TNS1: variants seen among roughly 807,000 people sequenced by gnomAD.
TNS1 encodes tensin 1, also known as tensin-1.
TNS1 carries 62 observed loss-of-function variants against 168.6 expected under a neutral mutation model. That is an observed-to-expected ratio of 0.37 (90% CI 0.30 to 0.45). The LOEUF is 0.45. Ranked by LOEUF, TNS1 falls within the 20% of genes least tolerant of loss-of-function variation. The probability of loss-of-function intolerance (pLI) is 1.00; values close to 1 mark genes in which losing one functional copy is unlikely to be tolerated. For synonymous variants in TNS1, 934 were observed against 933.2 expected, an observed-to-expected ratio of 1.00 and a Z score of -0.02; for missense variants, 2,240 against 2,339.4, an observed-to-expected ratio of 0.96 and a Z score of 0.88.
chr2:217,900,434 C>T (rs983766723), intron 7 of TNS1, 29 bp downstream of exon 7: 16 of 1,534,038 alleles, frequency 1.0e-5, no homozygotes, highest in South Asian at 2.4e-5. Flanking sequence ...CTTGCACTCC[C>T]GCCCCCTGCC....
chr2:217,804,465 C>G lies in TNS1; in HGVS notation c.5514G>C (p.Lys1838Asn), dbSNP rs1331888541. 1 of 1,614,088 alleles carries G rather than the reference C, an allele frequency of 6.2e-7. No individual in the cohort carries two copies. The highest frequency in any genetic ancestry group is 8.5e-7 in the Non-Finnish European group (1 of 1,179,970). ...VSKVMLNAGQ[K>N]R ...CCTGGGCAAGGGGCAGGGTTCATCT[C>G]TTTTGGCCGGCATTCAGCATGACCT... The change falls in exon 33 of 33, where the codon AAG (lysine) becomes AAC (asparagine). Residue 1838 changes from lysine (K) to asparagine (N), a missense_variant. Lys to Asn is a moderately conservative substitution (Grantham distance 94, BLOSUM62 0). Coordinates refer to ENST00000682258, the MANE Select transcript of TNS1 (RefSeq NM_001387777.1).
Position 217,893,528 on chromosome 2 carries a change from G to C in TNS1, c.628C>G (p.Pro210Ala). The C allele has an allele frequency of 6.2e-7, 1 of 1,613,248 alleles. No individual in the cohort carries two copies. Among genetic ancestry groups the C allele is most frequent in the African/African-American group, 1.3e-5 (1 of 75,064 alleles). ...ATGCTGCAGATCTTCTCCAGGGCTGGGGTGTGGAGGTCGGGCCAGCCAAAT... is the reference window on the plus strand; with the variant it reads ...ATGCTGCAGATCTTCTCCAGGGCTGCGGTGTGGAGGTCGGGCCAGCCAAAT... ...LEFGWPDLHTPALEKICSICK... is the reference protein window; with the variant it reads ...LEFGWPDLHTAALEKICSICK... The change falls in exon 10 of 33, where the codon CCA (proline) becomes GCA (alanine). Residue 210 changes from proline (P) to alanine (A), a missense_variant. By Grantham distance (27) the Pro-to-Ala change is conservative. This residue lies in a region of TNS1 where 2,131 missense variants were observed against 2,171.2 expected (regional missense o/e 0.98). Coordinates refer to ENST00000682258, the MANE Select transcript of TNS1 (RefSeq NM_001387777.1).
chr2:217,898,253 G>A (rs573546436), intron 7 of TNS1, among the ~76,000 whole-genome samples: 2 of 152,312 alleles, frequency 1.3e-5, no homozygotes, highest in South Asian at 4.1e-4. Flanking sequence ...TCAGTCCTTT[G>A]GCCACTGCCT....
At chr2:217,974,079 G>C (rs1459285919) in intron 3 of TNS1, among the ~76,000 whole-genome samples, 1 of 152,216 alleles carries the variant, frequency 6.6e-6, no homozygotes, top group Non-Finnish European at 1.5e-5. Context: ...TTCAAGAACA[G>C]GCAAAACTAA....
chr2:217,829,433 G>A lies in TNS1; in HGVS notation c.3373+2022C>T, dbSNP rs376702425. ...CCAAAACGTCAGTGGTGCCAACGTGGAGAATCTCTTCTCTGAGAAATGCCT... is the reference window on the plus strand; with the variant it reads ...CCAAAACGTCAGTGGTGCCAACGTGAAGAATCTCTTCTCTGAGAAATGCCT... On this transcript the variant is annotated intron_variant, in intron 22 of 32. Transcript: ENST00000682258. 2.2e-4 allele frequency among the ~76,000 whole-genome samples: 34 copies of A among 152,318 alleles called. No homozygotes were observed. In the East Asian group the frequency reaches 4.2e-3, roughly 19 times the overall value.
At position 218,033,817 on chromosome 2, in the gene TNS1, T is replaced by C. The variant is rs946163860; in HGVS notation, c.156+3A>G. Among the ~76,000 whole-genome samples, 13 of 152,128 alleles carry C rather than the reference T, an allele frequency of 8.5e-5. No individual in the cohort carries two copies. The highest frequency in any genetic ancestry group is 1.5e-5 in the Non-Finnish European group (1 of 68,004). On this transcript the variant is annotated splice_donor_region_variant and intron_variant, in intron 1 of 1. Transcript: ENST00000649572. This position sits in a 1 kb window ranked among gnomAD's most constrained non-coding sequence, Gnocchi z 4.3. ...GTCCCTCACCCATTCCCGCAGCCCCTACCTGAAGCGGTAGCTGCCTTCTCT... is the reference window on the plus strand; with the variant it reads ...GTCCCTCACCCATTCCCGCAGCCCCCACCTGAAGCGGTAGCTGCCTTCTCT...
chr2:217,831,466 T>C lies in TNS1; in HGVS notation c.3362A>G (p.His1121Arg). The C allele has an allele frequency of 6.3e-7, 1 of 1,585,740 alleles. No homozygotes were observed. The highest frequency in any genetic ancestry group is 8.6e-7 in the Non-Finnish European group (1 of 1,166,396). The change falls in exon 22 of 33, where the codon CAC becomes CGC. Residue 1121 changes from histidine to arginine, a missense_variant. Coordinates refer to ENST00000682258, the MANE Select transcript of TNS1 (RefSeq NM_001387777.1). Reference protein sequence around the residue: ...KPHNPADILLHPTGEPRSYVE... With the variant: ...KPHNPADILLRPTGEPRSYVE... ...TCTTCCCAACTCACCTCCTGTGGGG[T>C]GCAACAGGATGTCCGCTGGGTTGTG...
chr2:217,850,518 C>A (rs924701246), intron 18 of TNS1: 1 of 984,804 alleles, frequency 1.0e-6, no homozygotes, highest in Admixed American at 6.2e-5. Context: ...AGAACTTCCC[C>A]GCCCAGAGGA....
At chr2:217,925,006 A>T (rs898855225) in intron 3 of TNS1, among the ~76,000 whole-genome samples, 26 of 152,110 alleles carry the variant, frequency 1.7e-4, no homozygotes, top group Non-Finnish European at 4.4e-5. Context: ...GTGTTTGTAC[A>T]TTTCCCTTTT....
chr2:217,819,351 C>T (rs796686183), intron 23 of TNS1, among the ~76,000 whole-genome samples: 7 of 152,318 alleles, frequency 4.6e-5, no homozygotes, highest in African/African-American at 1.7e-4. Flanking sequence ...TGCTCTCCAG[C>T]CACTGGGGAT....
At chr2:217,937,088 C>T (rs1441986591) in intron 3 of TNS1, 1 of 450,810 alleles carries the variant, frequency 2.2e-6, no homozygotes, top group Non-Finnish European at 4.5e-6. Flanking sequence ...CAAATGGTAC[C>T]TCTTCTCCAA....
At chr2:217,931,785 G>A (rs924121482) in intron 3 of TNS1, among the ~76,000 whole-genome samples, 1 of 152,098 alleles carries the variant, frequency 6.6e-6, no homozygotes, top group African/African-American at 2.4e-5. Flanking sequence ...CGATCCTAAG[G>A]TGCATTCCAT....
chr2:217,865,773 C>T (rs1368544628), intron 18 of TNS1, among the ~76,000 whole-genome samples: 1 of 152,120 alleles, frequency 6.6e-6, no homozygotes, highest in African/African-American at 2.4e-5. Context: ...GGCAGGACAC[C>T]CCAGGTCCCT....
chr2:217,836,203 C>A lies in TNS1; in HGVS notation c.3016G>T (p.Ala1006Ser). ...GGCTCTGCAGGCTGCTTCTCCCGAG[C>A]CTGTACCCCTGGGAGGAAAGCAGGG... ...LVAHRVAGVQ[A>S]REKQPAEPPA... is the part of the protein sequence containing the mutation. The change falls in exon 20 of 33, where the codon GCT becomes TCT. Residue 1006 changes from alanine to serine, a missense_variant. Around this residue, in one of 2 missense-constraint regions of TNS1, gnomAD observed 2,131 missense variants for 2,171.2 expected, o/e 0.98. Coordinates refer to ENST00000682258, the MANE Select transcript of TNS1 (RefSeq NM_001387777.1). The A allele has an allele frequency of 6.2e-7, 1 of 1,608,774 alleles. No individual in the cohort carries two copies. The highest frequency in any genetic ancestry group is 8.5e-7 in the Non-Finnish European group (1 of 1,176,904).
intron 2 of TNS1, among the ~76,000 whole-genome samples, chr2:217,980,971 C>G (rs750497361): frequency 2.5e-4 from 38 of 152,204 alleles, no homozygotes; most frequent in Non-Finnish European, 4.3e-4. Context: ...ATTAGAGTAG[C>G]TTTCCAATTA....
chr2:217,948,933 C>G lies in TNS1; in HGVS notation c.187-28697G>C, dbSNP rs1957178998. Reference sequence around the variant, plus strand: ...GCTGGGCTTTCCACATTCCAGCTTCCTACTCAGATTTGTACCATAGTGTCA... The same window carrying G: ...GCTGGGCTTTCCACATTCCAGCTTCGTACTCAGATTTGTACCATAGTGTCA... On this transcript the variant is annotated intron_variant, in intron 3 of 32. Transcript: ENST00000682258. This position sits in a 1 kb window ranked among gnomAD's most constrained non-coding sequence, Gnocchi z 4.1. 6.6e-6 allele frequency among the ~76,000 whole-genome samples: 1 copy of G among 152,178 alleles called. No homozygotes were observed. The highest frequency in any genetic ancestry group is 1.5e-5 in the Non-Finnish European group (1 of 68,020).
chr2:217,902,247 C>G (rs915256534), intron 6 of TNS1, among the ~76,000 whole-genome samples: 1 of 152,168 alleles, frequency 6.6e-6, no homozygotes, highest in African/African-American at 2.4e-5. Flanking sequence ...CCTGAATCTC[C>G]CCAGGCCCTA....
chr2:217,902,949 CAG>C (rs1953192374), intron 6 of TNS1, among the ~76,000 whole-genome samples: 1 of 152,150 alleles, frequency 6.6e-6, no homozygotes, highest in Non-Finnish European at 1.5e-5. Flanking sequence ...CACAGACAGA[CAG>C]AACTCAGAGA....
intron 3 of TNS1, among the ~76,000 whole-genome samples, chr2:217,921,023 G>T (rs1245852910): frequency 1.3e-5 from 2 of 150,344 alleles, no homozygotes; most frequent in Non-Finnish European, 3.0e-5. Context: ...AGGGGAGGGA[G>T]CGAGAGGGAG....
Sources: allele counts gnomAD v4.1 joint callset (sites outside exome capture counted in the v4.1 genomes callset), GRCh38; gene constraint gnomAD v4.1.1; regional missense constraint gnomAD v4.1.1; non-coding constraint Gnocchi (gnomAD v3.1); transcripts MANE v1.5; gene names NCBI Gene and HGNC (gene_info 2026-07-23, HGNC 2026-07-21).